SNIP1: variants seen among roughly 807,000 people sequenced by gnomAD.
SNIP1 encodes Smad nuclear interacting protein 1.
In SNIP1, 23 loss-of-function variants were observed where a neutral mutation model predicts 37.4. The observed-to-expected ratio is 0.61, with a 90% CI of 0.44 to 0.87. SNIP1 has a LOEUF of 0.87. Ranked by LOEUF, SNIP1 falls within the 40% of genes least tolerant of loss-of-function variation. SNIP1 has a pLI of 0.00. For missense variants in SNIP1, 459 were observed against 540.4 expected, an observed-to-expected ratio of 0.85 and a Z score of 1.49; for synonymous variants, 174 against 200.0, an observed-to-expected ratio of 0.87 and a Z score of 1.10.
chr1:37,546,412 G>A (rs1300110279), intron 2 of SNIP1, among the ~76,000 whole-genome samples: 1 of 152,166 alleles, frequency 6.6e-6, no homozygotes, highest in African/African-American at 2.4e-5. Flanking sequence ...GGTGGCTTAT[G>A]TCTGTAATTC....
chr1:37,544,234 C>CAGG (rs755853536), intron 2 of SNIP1, among the ~76,000 whole-genome samples: 4 of 151,394 alleles, frequency 2.6e-5, no homozygotes, highest in Non-Finnish European at 5.9e-5. Context: ...ATCACAAGGT[C>CAGG]AGGAGTTCAA....
Position 37,534,871 on chromosome 1 carries a change from G to A in SNIP1, c.*2877C>T, listed in dbSNP as rs1020821874. 4 of 152,056 alleles carry A rather than the reference G, an allele frequency of 2.6e-5. No homozygotes were observed. In the East Asian group the frequency reaches 7.7e-4, roughly 29 times the overall value. The allele number at this position is 152,056 out of a possible 1,614,324, so 9.4% of individuals were successfully genotyped here. On this transcript the variant is annotated 3_prime_UTR_variant, in exon 4 of 4. Coordinates refer to ENST00000296215, the MANE Select transcript of SNIP1 (RefSeq NM_024700.4). ...TTTTGACACAATGATTTGCAGACAAGCCCAGCCACCGTGGAGAAAAGATAG... is the reference window on the plus strand; with the variant it reads ...TTTTGACACAATGATTTGCAGACAAACCCAGCCACCGTGGAGAAAAGATAG...
chr1:37,538,205 A>G (rs113138051), intron 3 of SNIP1, among the ~76,000 whole-genome samples, 193 bp from the exon 4 acceptor site: 4 of 152,248 alleles, frequency 2.6e-5, no homozygotes, highest in African/African-American at 9.6e-5. Flanking sequence ...AAGTTTAAAT[A>G]TACTTAGAAA....
Position 37,540,602 on chromosome 1 carries a change from G to A in SNIP1, c.481C>T (p.Gln161Ter). 6.2e-7 allele frequency: 1 copy of A among 1,614,098 alleles called. No homozygotes were observed. The highest frequency in any genetic ancestry group is 8.5e-7 in the Non-Finnish European group (1 of 1,180,018). Residue 161 changes from glutamine (Q) to a stop codon, truncating the protein, a stop_gained, in exon 3 of 4, where the codon CAG (glutamine) becomes TAG (stop). Coordinates refer to ENST00000296215, the MANE Select transcript of SNIP1 (RefSeq NM_024700.4). LOFTEE classifies it high-confidence loss of function. This position sits in a 1 kb window ranked among gnomAD's most constrained non-coding sequence, Gnocchi z 5.6. ...RTSNERPGSG[Q>*]GQGRDRDTQN... ...GTGTCTCGATCCCGTCCCTGACCCT[G>A]CCCACTCCCAGGCCTCTCGTTAGAC... is the stretch of plus-strand genomic sequence containing the variant.
In SNIP1 at chr1:37,554,054, T is replaced by A. The variant is rs1225762243; in HGVS notation, c.176A>T (p.Glu59Val). ...CCCGCGGTGGCCCGAGCGGGCCGGCTCGCTGGTCGGCGGAGACGGGCTACC... is the reference window on the plus strand; with the variant it reads ...CCCGCGGTGGCCCGAGCGGGCCGGCACGCTGGTCGGCGGAGACGGGCTACC... ...SGGSPSPPTS[E>V]PARSGHRGNR... is the part of the protein sequence containing the mutation. Residue 59 changes from glutamate to valine, a missense_variant, in exon 1 of 4, where the codon GAG (glutamate) becomes GTG (valine). Physicochemically the swap from Glu to Val is moderately radical, Grantham distance 121. Transcript: ENST00000296215. 6.3e-7 allele frequency: 1 copy of A among 1,592,048 alleles called. No homozygotes were observed. The highest frequency in any genetic ancestry group is 2.3e-5 in the East Asian group (1 of 43,692).
At chr1:37,545,281 G>A (rs1283917439) in intron 2 of SNIP1, 14 of 625,316 alleles carry the variant, frequency 2.2e-5, no homozygotes, top group South Asian at 1.9e-4. Flanking sequence ...ACCCCGGGGA[G>A]ACAGTGATAA....
Position 37,552,635 on chromosome 1 carries a change from A to G in SNIP1, c.327+10T>C, listed in dbSNP as rs1326226646. 7.5e-6 allele frequency: 12 copies of G among 1,610,596 alleles called. No homozygotes were observed. Among genetic ancestry groups the G allele is most frequent in the Non-Finnish European group, 1.0e-5 (12 of 1,176,902 alleles). ...AATTTGGACCCATCAAAACACCCCA[A>G]TCCACTTACCTGCTTCACTTTGACT... On this transcript the variant is annotated intron_variant, in intron 2 of 3. Transcript: ENST00000296215.
Position 37,554,046 on chromosome 1 carries a change from G to T in SNIP1, c.184C>A (p.Arg62Ser). ...GCTCGGTTCCCGCGGTGGCCCGAGC[G>T]GGCCGGCTCGCTGGTCGGCGGAGAC... ...SPSPPTSEPA[R>S]SGHRGNRARG... Residue 62 changes from arginine to serine, a missense_variant, in exon 1 of 4, where the codon CGC (arginine) becomes AGC (serine). Coordinates refer to ENST00000296215, the MANE Select transcript of SNIP1 (RefSeq NM_024700.4). 3 of 1,585,824 alleles carry T rather than the reference G, an allele frequency of 1.9e-6. No homozygotes were observed. Among genetic ancestry groups the T allele is most frequent in the Non-Finnish European group, 2.6e-6 (3 of 1,166,946 alleles).
At chr1:37,548,707 C>T (rs1437446840) in intron 2 of SNIP1, 2 of 147,084 alleles carry the variant, frequency 1.4e-5, no homozygotes, top group African/African-American at 5.1e-5. Context: ...CCACTCCAGC[C>T]TGGGCAACAG....
At position 37,540,258 on chromosome 1, in the gene SNIP1, T is replaced by C. The variant is rs1261284138; in HGVS notation, c.825A>G (p.Ile275Met). 12 of 1,614,160 alleles carry C rather than the reference T, an allele frequency of 7.4e-6. No homozygotes were observed. The highest frequency in any genetic ancestry group is 3.3e-5 in the Admixed American group (2 of 60,020). ...KNDEVLPVMY[I>M]HRQSAYLLGR... ...CCAGTAGGTACGCACTCTGTCGATG[T>C]ATGTACATGACTGGAAGCACCTCAT... Residue 275 changes from isoleucine (I) to methionine (M), a missense_variant, in exon 3 of 4, where the codon ATA (isoleucine) becomes ATG (methionine). Coordinates refer to ENST00000296215, the MANE Select transcript of SNIP1 (RefSeq NM_024700.4). The surrounding 1 kb of genome is among the most constrained non-coding windows in gnomAD (Gnocchi z 5.6).
In SNIP1 at chr1:37,552,694, C is replaced by T. The variant is rs775168859; in HGVS notation, c.278G>A (p.Arg93His). 4.3e-6 allele frequency: 7 copies of T among 1,614,078 alleles called. No homozygotes were observed. The highest frequency in any genetic ancestry group is 1.6e-4 in the Middle Eastern group (1 of 6,084). ...GTGAGGACTTCGGTTTCTCTTACTG[C>T]GAGGAGACTTGCTTCTTCTCCCTGA... ...KASGRRSKSP[R>H]SKRNRSPHHS... Residue 93 changes from arginine to histidine, a missense_variant, in exon 2 of 4, where the codon CGC becomes CAC. By Grantham distance (29) the Arg-to-His change is conservative. Transcript: ENST00000296215.
At chr1:37,551,073 T>TGA (rs916061551) in intron 2 of SNIP1, among the ~76,000 whole-genome samples, 12 of 61,636 alleles carry the variant, frequency 1.9e-4, no homozygotes, top group Non-Finnish European at 3.3e-4. Context: ...CCAGCCTGGG[T>TGA]GACACACACA....
chr1:37,540,627 C>T lies in SNIP1; in HGVS notation c.456G>A (p.Thr152=), dbSNP rs138399108. The change falls in exon 3 of 4, where the codon ACG becomes ACA. Residue 152 remains threonine, a synonymous_variant. Coordinates refer to ENST00000296215, the MANE Select transcript of SNIP1 (RefSeq NM_024700.4). The surrounding 1 kb of genome is among the most constrained non-coding windows in gnomAD (Gnocchi z 5.6). ...GCCCACTCCCAGGCCTCTCGTTAGA[C>T]GTTCTCCTTTGGTGGGAATGGCCCC... ...RHRGHSHQRR[T]SNERPGSGQG... 71 of 1,614,128 alleles carry T rather than the reference C, an allele frequency of 4.4e-5. No homozygotes were observed. The highest frequency in any genetic ancestry group is 3.8e-4 in the East Asian group (17 of 44,880).
chr1:37,544,068 C>A (rs1354287676), intron 2 of SNIP1, among the ~76,000 whole-genome samples: 1 of 148,960 alleles, frequency 6.7e-6, no homozygotes, highest in African/African-American at 2.5e-5. Context: ...TCACTTGAAC[C>A]CAGAAGTGGA....
At chr1:37,546,515 A>C (rs995448894) in intron 2 of SNIP1, among the ~76,000 whole-genome samples, 3 of 152,052 alleles carry the variant, frequency 2.0e-5, no homozygotes, top group Non-Finnish European at 4.4e-5. Context: ...CTCTACTAAA[A>C]ATACAAAAAT....
At position 37,554,275 on chromosome 1, in the gene SNIP1, T is replaced by G; in HGVS notation, c.-46A>C. On this transcript the variant is annotated 5_prime_UTR_variant, in exon 1 of 4. Transcript: ENST00000296215. Reference sequence around the variant, plus strand: ...AAAGAAAACAGATCAGTTGAGCTCCTCTAGCTGGAGGAAATGACGAGTTTA... The same window carrying G: ...AAAGAAAACAGATCAGTTGAGCTCCGCTAGCTGGAGGAAATGACGAGTTTA... 1 of 1,530,664 alleles carries G rather than the reference T, an allele frequency of 6.5e-7. No homozygotes were observed. Among genetic ancestry groups the G allele is most frequent in the Non-Finnish European group, 8.8e-7 (1 of 1,134,902 alleles). 94.8% of individuals were successfully genotyped at this position (1,530,664 alleles called of 1,614,324 possible).
rs747775991 is a variant in SNIP1, at chr1:37,554,155, C to A, written c.75G>T (p.Ala25=). The A allele has an allele frequency of 3.1e-6, 5 of 1,612,716 alleles. No homozygotes were observed. The East Asian group carries it at 8.9e-5, about 29-fold the overall frequency. ...GACGCTCCTGCTTCACCACCACCCC[C>A]GCCGGCAGCACCACGTCCCCGTCCC... ...RHRDGDVVLP[A]GVVVKQERLS... Residue 25 remains alanine (A), a synonymous_variant, in exon 1 of 4, where the codon GCG becomes GCT. Transcript: ENST00000296215.
chr1:37,553,900 C>A (rs1369816519), intron 1 of SNIP1, 106 bp downstream of exon 1: 1 of 1,172,072 alleles, frequency 8.5e-7, no homozygotes, highest in African/African-American at 1.5e-5. Context: ...AGGATTAAGT[C>A]CGGGCTGCTG....
rs1553165371 is a variant in SNIP1, at chr1:37,535,230, T to TAAAAAATAAAAATAA, written c.*2517_*2518insTTATTTTTATTTTTT. Reference sequence around the variant, plus strand: ...ACTAAAAAAAAATAAAAAATAAAAATTATATATATAAATTAGCCAGGCTTG... The same window carrying TAAAAAATAAAAATAA: ...ACTAAAAAAAAATAAAAAATAAAAATAAAAAATAAAAATAATATATATATAAATTAGCCAGGCTTG... On this transcript the variant is annotated 3_prime_UTR_variant, in exon 4 of 4. Transcript: ENST00000296215. 1.7e-4 allele frequency: 3 copies of TAAAAAATAAAAATAA among 17,290 alleles called. No homozygotes were observed. The highest frequency in any genetic ancestry group is 5.1e-4 in the Non-Finnish European group (3 of 5,924). The allele number at this position is 17,290 out of a possible 1,614,324, so 1.1% of individuals were successfully genotyped here.
Sources: allele counts gnomAD v4.1 joint callset (sites outside exome capture counted in the v4.1 genomes callset), GRCh38; gene constraint gnomAD v4.1.1; non-coding constraint Gnocchi (gnomAD v3.1); transcripts MANE v1.5; gene names NCBI Gene and HGNC (gene_info 2026-07-23, HGNC 2026-07-21).